CTNS: variants seen among roughly 807,000 people sequenced by gnomAD.
CTNS encodes the protein cystinosin, lysosomal cystine transporter.
Under a neutral mutation model 43.7 loss-of-function variants are expected in CTNS, and 27 were observed. The observed-to-expected ratio is 0.62, with a 90% CI of 0.46 to 0.85. The LOEUF (loss-of-function observed/expected upper bound fraction) is 0.85. Ranked by LOEUF, CTNS falls within the 40% of genes least tolerant of loss-of-function variation. The probability of loss-of-function intolerance (pLI) is 0.00; values close to 1 mark genes in which losing one functional copy is unlikely to be tolerated. For synonymous variants in CTNS, 187 were observed against 190.6 expected, an observed-to-expected ratio of 0.98 and a Z score of 0.16; for missense variants, 457 against 475.4, an observed-to-expected ratio of 0.96 and a Z score of 0.36.
At chr17:3,649,614 G>C (rs2075929238) in intron 5 of CTNS, among the ~76,000 whole-genome samples, 1 of 152,136 alleles carries the variant, frequency 6.6e-6, no homozygotes, top group Non-Finnish European at 1.5e-5. Flanking sequence ...CAAATGGTTT[G>C]AGTCCACATT....
At chr17:3,638,641 G>A (rs992597004) in intron 2 of CTNS, among the ~76,000 whole-genome samples, 4 of 152,220 alleles carry the variant, frequency 2.6e-5, no homozygotes, top group Non-Finnish European at 4.4e-5. Flanking sequence ...GCTTGGGAAT[G>A]TTTGCTGACC....
At chr17:3,647,880 A>AG (rs1490816423) in intron 4 of CTNS, among the ~76,000 whole-genome samples, 1 of 152,188 alleles carries the variant, frequency 6.6e-6, no homozygotes, top group Admixed American at 6.5e-5. Flanking sequence ...GTCAAGGGGC[A>AG]GGGAGCTGAG....
intron 10 of CTNS, among the ~76,000 whole-genome samples, chr17:3,658,565 G>A (rs571576681): frequency 2.6e-5 from 4 of 152,322 alleles, no homozygotes; most frequent in Admixed American, 6.5e-5. Flanking sequence ...AGCTCAGCCC[G>A]TCCTATGAGC....
At chr17:3,653,165 A>G (rs2076028747) in intron 5 of CTNS, among the ~76,000 whole-genome samples, 1 of 152,182 alleles carries the variant, frequency 6.6e-6, no homozygotes, top group African/African-American at 2.4e-5. Flanking sequence ...TAATCCCACC[A>G]CTTTGGGAGG....
chr17:3,660,398 T>C lies in CTNS; in HGVS notation c.*29T>C. ...CCAGGGACCCAGTGTACCCAGCCTC[T>C]GGCCTCGTGCCCTGCTGGGGAAGGC... is the stretch of plus-strand genomic sequence containing the variant. On this transcript the variant is annotated 3_prime_UTR_variant, in exon 12 of 12. Coordinates refer to ENST00000046640, the MANE Select transcript of CTNS (RefSeq NM_004937.3). The C allele has an allele frequency of 6.2e-7, 1 of 1,614,116 alleles. No individual in the cohort carries two copies. The highest frequency in any genetic ancestry group is 8.5e-7 in the Non-Finnish European group (1 of 1,180,046).
Position 3,641,673 on chromosome 17 carries a change from G to A in CTNS, c.61+1406G>A, listed in dbSNP as rs973398150. ...CCCAAAGTGCTGGGATTACAGGCAT[G>A]AGCCACCGTGCCTGGCCCAGATACC... On this transcript the variant is annotated intron_variant, in intron 3 of 11. Coordinates refer to ENST00000046640, the MANE Select transcript of CTNS (RefSeq NM_004937.3). Among the ~76,000 whole-genome samples the A allele has an allele frequency of 6.6e-5, 10 of 151,942 alleles. No individual in the cohort carries two copies. The East Asian group carries it at 1.7e-3, about 26-fold the overall frequency.
chr17:3,652,712 T>C (rs2076016069), intron 5 of CTNS, among the ~76,000 whole-genome samples: 1 of 152,192 alleles, frequency 6.6e-6, no homozygotes. Flanking sequence ...CCTGCCTAGT[T>C]CCAGAAGGGA....
At chr17:3,640,093 A>C (rs1443889581) in intron 2 of CTNS, 95 bp from the exon 3 acceptor site, 1 of 999,472 alleles carries the variant, frequency 1.0e-6, no homozygotes, top group African/African-American at 1.6e-5. Context: ...GCAGTCCTTT[A>C]TGAGCCATCC....
rs2075551962 is a variant in CTNS at position 3,637,248 on chromosome 17, T to C, written c.-88T>C. On this transcript the variant is annotated 5_prime_UTR_variant, in exon 2 of 12. Coordinates refer to ENST00000046640, the MANE Select transcript of CTNS (RefSeq NM_004937.3). ...GGGCGAAGGGAGGACTCCTGAGCTC[T>C]GCCTCTTCCAGTAACATTGAGGATT... 6.6e-6 allele frequency: 1 copy of C among 152,232 alleles called. No homozygotes were observed. Among genetic ancestry groups the C allele is most frequent in the East Asian group, 1.9e-4 (1 of 5,198 alleles). 9.4% of individuals were successfully genotyped at this position (152,232 alleles called of 1,614,324 possible).
At chr17:3,652,427 AC>A (rs1315060751) in intron 5 of CTNS, among the ~76,000 whole-genome samples, 1 of 152,140 alleles carries the variant, frequency 6.6e-6, no homozygotes, top group Non-Finnish European at 1.5e-5. Context: ...CCCAGTCTCT[AC>A]TAAAAATACA....
chr17:3,645,750 C>T (rs965140714), intron 3 of CTNS, among the ~76,000 whole-genome samples: 1 of 151,060 alleles, frequency 6.6e-6, no homozygotes. Context: ...ATTCCAGCTA[C>T]TTGGAAGGCT....
rs768600706 is a variant in CTNS, at chr17:3,660,307, G to A, written c.1042G>A (p.Val348Ile). ...LGVFSIVFDV[V>I]FFIQHFCLYR... ...GGTCTTCTCCATCGTCTTCGACGTCGTCTTCTTCATCCAGCACTTCTGTTT... is the reference window on the plus strand; with the variant it reads ...GGTCTTCTCCATCGTCTTCGACGTCATCTTCTTCATCCAGCACTTCTGTTT... The change falls in exon 12 of 12, where the codon GTC becomes ATC. Residue 348 changes from valine (V) to isoleucine (I), a missense_variant. By Grantham distance (29) the Val-to-Ile change is conservative. Transcript: ENST00000046640. 20 of 1,614,122 alleles carry A rather than the reference G, an allele frequency of 1.2e-5. No individual in the cohort carries two copies. The highest frequency in any genetic ancestry group is 8.9e-5 in the East Asian group (4 of 44,904).
intron 5 of CTNS, among the ~76,000 whole-genome samples, chr17:3,652,116 C>A (rs574702876): frequency 2.0e-5 from 3 of 152,316 alleles, no homozygotes; most frequent in African/African-American, 7.2e-5. Context: ...CTCCCCTCTA[C>A]TACCCGTGAT....
At position 3,660,783 on chromosome 17, in the gene CTNS, C is replaced by T; in HGVS notation, c.*414C>T. On this transcript the variant is annotated 3_prime_UTR_variant, in exon 12 of 12. Transcript: ENST00000046640. ...GCACTTTGCTGCCACCGCTGCATTC[C>T]CAGAGATCAAGCAGCCCGGTGCCGT... 6.2e-7 allele frequency: 1 copy of T among 1,612,078 alleles called. No individual in the cohort carries two copies. The highest frequency in any genetic ancestry group is 8.5e-7 in the Non-Finnish European group (1 of 1,179,660).
rs1159033895 is a variant in CTNS at position 3,637,216 on chromosome 17, TC to T, written c.-119del. On this transcript the variant is annotated 5_prime_UTR_variant, in exon 2 of 12. The change abolishes the stop of an existing upstream ORF in the 5' untranslated region. Transcript: ENST00000046640. Reference sequence around the variant, plus strand: ...AGACCCCATCCTCCCCTCCGGGTTTTCACACTGGGCGAAGGGAGGACTCCTG... The same window carrying T: ...AGACCCCATCCTCCCCTCCGGGTTTTACACTGGGCGAAGGGAGGACTCCTG... The T allele has an allele frequency of 6.6e-6, 1 of 152,188 alleles. No homozygotes were observed. Among genetic ancestry groups the T allele is most frequent in the Non-Finnish European group, 1.5e-5 (1 of 68,040 alleles). 9.4% of individuals were successfully genotyped at this position (152,188 alleles called of 1,614,324 possible). A position where few individuals can be genotyped will look rare whatever the true frequency, so the allele number is the denominator to read the frequency against.
At chr17:3,647,113 C>T (rs928643467) in intron 3 of CTNS, among the ~76,000 whole-genome samples, 3 of 152,180 alleles carry the variant, frequency 2.0e-5, no homozygotes, top group South Asian at 2.1e-4. Flanking sequence ...GCTCCCAGGT[C>T]ACGCTGGAAT....
chr17:3,646,909 G>A (rs1264975904), intron 3 of CTNS, among the ~76,000 whole-genome samples: 1 of 152,188 alleles, frequency 6.6e-6, no homozygotes, highest in Non-Finnish European at 1.5e-5. Flanking sequence ...CCCCAGGAAG[G>A]GGACCAGTGC....
intron 10 of CTNS, 67 bp from the exon 11 acceptor site, chr17:3,659,791 C>T (rs2076242459): frequency 2.6e-6 from 3 of 1,147,688 alleles, no homozygotes; most frequent in East Asian, 4.7e-5. Context: ...GGGGCAGTCA[C>T]GAGGCGCATG....
intron 3 of CTNS, among the ~76,000 whole-genome samples, chr17:3,642,142 CGT>C (rs75793503): frequency 0.23 from 33,815 of 146,272 alleles, 4,584 homozygotes; most frequent in East Asian, 0.49. Flanking sequence ...TGTGCCCGGG[CGT>C]GTGTGTGTGT....
Sources: gnomAD v4.1 joint callset for allele counts (sites outside exome capture counted in the v4.1 genomes callset) on GRCh38, gnomAD v4.1.1 for gene constraint, MANE v1.5 for transcripts, NCBI Gene and HGNC (gene_info 2026-07-23, HGNC 2026-07-21) for gene names.